The following NFAM1 variants were observed in gnomAD, a reference collection of about 807,000 sequenced individuals.
NFAM1 encodes the protein NFAT activation molecule 1.
Under a neutral mutation model 29.0 loss-of-function variants are expected in NFAM1, and 17 were observed. The observed-to-expected ratio is 0.59, with a 90% confidence interval of 0.40 to 0.88. The LOEUF (loss-of-function observed/expected upper bound fraction) is 0.88, where lower values mean the gene tolerates loss of function less well. Ranked by LOEUF, NFAM1 falls within the 40% of genes least tolerant of loss-of-function variation. The pLI is 0.00. For synonymous variants in NFAM1, 175 were observed against 147.2 expected, an observed-to-expected ratio of 1.19 and a Z score of -1.36; for missense variants, 324 against 344.6, an observed-to-expected ratio of 0.94 and a Z score of 0.47.
At chr22:42,435,497 G>A (rs1202508295), upstream of NFAM1, among the ~76,000 whole-genome samples, 3 of 151,934 alleles carry the variant, frequency 2.0e-5, no homozygotes, top group Non-Finnish European at 4.4e-5. Context: ...ACAGGCATGT[G>A]CCACCACGCC....
At chr22:42,393,041 T>C (rs1601736438) in intron 4 of NFAM1, among the ~76,000 whole-genome samples, 1 of 151,970 alleles carries the variant, frequency 6.6e-6, no homozygotes, top group Admixed American at 6.6e-5. Flanking sequence ...CTCAGGTGAC[T>C]CACCCACCTC....
rs1928916215 is a variant in NFAM1, at chr22:42,380,732, C to T, written c.*4429G>A. The T allele has an allele frequency of 2.0e-5, 3 of 152,566 alleles. No individual in the cohort carries two copies. The highest frequency in any genetic ancestry group is 2.0e-4 in the Admixed American group (3 of 15,274). The allele number at this position is 152,566 out of a possible 1,614,324, so 9.5% of individuals were successfully genotyped here. A position where few individuals can be genotyped will look rare whatever the true frequency, so the allele number is the denominator to read the frequency against. ...ACTATTGAACTACATAAAAATCCAT[C>T]CCTGAAATCCCAGAGGCATCTTTAG... On this transcript the variant is annotated 3_prime_UTR_variant, in exon 6 of 6. Coordinates refer to ENST00000329021, the MANE Select transcript of NFAM1 (RefSeq NM_145912.8).
chr22:42,423,092 G>A (rs1287570893), intron 1 of NFAM1, among the ~76,000 whole-genome samples: 5 of 113,492 alleles, frequency 4.4e-5, no homozygotes, highest in East Asian at 2.5e-4. Context: ...CAGGCTAGGC[G>A]ACAGAGCAAG....
At position 42,388,411 on chromosome 22, in the gene NFAM1, C is replaced by A. The variant is rs1182303338; in HGVS notation, c.664-1333G>T. Among the ~76,000 whole-genome samples the A allele has an allele frequency of 1.3e-5, 2 of 152,180 alleles. No individual in the cohort carries two copies. Among genetic ancestry groups the A allele is most frequent in the East Asian group, 3.9e-4 (2 of 5,194 alleles). ...TGGTCAAGAGAAGCATGAGGCCTGC[C>A]CACCTCCCCTCTCTGGGATCACAGA... is the stretch of plus-strand genomic sequence containing the variant. On this transcript the variant is annotated intron_variant, in intron 4 of 5. Coordinates refer to ENST00000329021, the MANE Select transcript of NFAM1 (RefSeq NM_145912.8). The surrounding 1 kb of genome is among the most constrained non-coding windows in gnomAD (Gnocchi z 4.1).
At chr22:42,404,095 C>T (rs1403606989) in intron 3 of NFAM1, among the ~76,000 whole-genome samples, 1 of 152,160 alleles carries the variant, frequency 6.6e-6, no homozygotes, top group African/African-American at 2.4e-5. Context: ...TCATGCATCA[C>T]CAGTTCTTAC....
At chr22:42,425,792 A>G (rs1367914020) in intron 1 of NFAM1, among the ~76,000 whole-genome samples, 1 of 152,148 alleles carries the variant, frequency 6.6e-6, no homozygotes, top group Non-Finnish European at 1.5e-5. Context: ...CCTGCCTCTT[A>G]AAGTTGGATG....
intron 3 of NFAM1, among the ~76,000 whole-genome samples, chr22:42,407,623 C>G (rs1217249194): frequency 6.6e-6 from 1 of 151,990 alleles, no homozygotes; most frequent in Non-Finnish European, 1.5e-5. Flanking sequence ...TGGTCTCCCT[C>G]TGTCGCTCAG....
chr22:42,384,645 G>C lies in NFAM1; in HGVS notation c.*516C>G, dbSNP rs759845834. The C allele has an allele frequency of 5.9e-6, 1 of 168,824 alleles. No homozygotes were observed. Among genetic ancestry groups the C allele is most frequent in the Admixed American group, 5.8e-5 (1 of 17,176 alleles). The allele number at this position is 168,824 out of a possible 1,614,324, so 10.5% of individuals were successfully genotyped here. A position where few individuals can be genotyped will look rare whatever the true frequency, so the allele number is the denominator to read the frequency against. The stretch of plus-strand genomic sequence containing the variant: ...CCAGCCCCTGCTCCCACCCTGCCTG[G>C]CTGCCTCGTGCCTCTGGCCCAGCTG... On this transcript the variant is annotated 3_prime_UTR_variant, in exon 6 of 6. Transcript: ENST00000329021.
chr22:42,396,017 T>C (rs1330909043), intron 4 of NFAM1, among the ~76,000 whole-genome samples: 1 of 152,090 alleles, frequency 6.6e-6, no homozygotes, highest in Non-Finnish European at 1.5e-5. Context: ...CCCTGGCACA[T>C]AGTAGGTACA....
At chr22:42,394,453 T>G (rs552503365) in intron 4 of NFAM1, among the ~76,000 whole-genome samples, 1 of 152,248 alleles carries the variant, frequency 6.6e-6, no homozygotes, top group African/African-American at 2.4e-5. Flanking sequence ...CTCAGCCTCC[T>G]GAGTAGCTGG....
At chr22:42,391,961 A>C (rs1453763742) in intron 4 of NFAM1, among the ~76,000 whole-genome samples, 2 of 151,754 alleles carry the variant, frequency 1.3e-5, no homozygotes, top group Non-Finnish European at 1.5e-5. Context: ...AAAAAAAAAA[A>C]AAAAAAAATC....
At chr22:42,417,284 T>C (rs143116059) in intron 1 of NFAM1, among the ~76,000 whole-genome samples, 8 of 152,222 alleles carry the variant, frequency 5.3e-5, no homozygotes, top group Admixed American at 2.0e-4. Context: ...TCGGTGACCA[T>C]AGAACTTTGA....
chr22:42,400,944 G>A (rs1052286961), intron 3 of NFAM1, among the ~76,000 whole-genome samples: 1 of 152,222 alleles, frequency 6.6e-6, no homozygotes, highest in Non-Finnish European at 1.5e-5. Context: ...TGGACCTGCC[G>A]GGGCTGGAAA....
chr22:42,391,945 C>CAA (rs58006775), intron 4 of NFAM1, among the ~76,000 whole-genome samples: 968 of 68,544 alleles, frequency 0.014, 37 homozygotes, highest in East Asian at 0.04. Context: ...GACTCTGTCT[C>CAA]AAAAAAAAAA....
rs34684252 is a variant in NFAM1, at chr22:42,431,775, T to TCC, written c.121+460_121+461dup. On this transcript the variant is annotated intron_variant, in intron 1 of 5. Coordinates refer to ENST00000329021, the MANE Select transcript of NFAM1 (RefSeq NM_145912.8). Reference sequence around the variant, plus strand: ...CAGAGCCCTGTGGCTGGCCCTGGTATCCCCCCCTCCCCCCTCTCCCCGCTC... The same window carrying TCC: ...CAGAGCCCTGTGGCTGGCCCTGGTATCCCCCCCCCTCCCCCCTCTCCCCGCTC... 2.5e-4 allele frequency among the ~76,000 whole-genome samples: 37 copies of TCC among 146,806 alleles called. No individual in the cohort carries two copies. In the South Asian group the frequency reaches 4.1e-3, roughly 16 times the overall value.
chr22:42,411,027 T>C (rs1426206732), intron 2 of NFAM1, among the ~76,000 whole-genome samples: 1 of 79,220 alleles, frequency 1.3e-5, no homozygotes, highest in East Asian at 2.7e-4. Flanking sequence ...TTCTTTTTTT[T>C]TTTTTTTTTT....
rs1929081482 is a variant in NFAM1, at chr22:42,384,920, A to G, written c.*241T>C. ...CTTTGCTGGTTGGGCCAAGGGAGGA[A>G]GGGCCTGCCTGGCAGAAGGAACAGC... On this transcript the variant is annotated 3_prime_UTR_variant, in exon 6 of 6. Transcript: ENST00000329021. The G allele has an allele frequency of 1.6e-6, 1 of 609,546 alleles. No individual in the cohort carries two copies. 37.8% of individuals were successfully genotyped at this position (609,546 alleles called of 1,614,324 possible).
At chr22:42,428,586 C>T (rs997980134) in intron 1 of NFAM1, among the ~76,000 whole-genome samples, 5 of 152,136 alleles carry the variant, frequency 3.3e-5, no homozygotes, top group Admixed American at 2.0e-4. Context: ...GGATTACAGG[C>T]GCACACCACC....
chr22:42,387,538 G>T (rs1331054337), intron 4 of NFAM1, among the ~76,000 whole-genome samples: 2 of 150,344 alleles, frequency 1.3e-5, no homozygotes, highest in East Asian at 4.0e-4. Context: ...CCCTGTGAGG[G>T]TCCTCCCACC....
Sources: allele counts gnomAD v4.1 joint callset (sites outside exome capture counted in the v4.1 genomes callset), GRCh38; gene constraint gnomAD v4.1.1; non-coding constraint Gnocchi (gnomAD v3.1); transcripts MANE v1.5; gene names NCBI Gene and HGNC (gene_info 2026-07-23, HGNC 2026-07-21).